ZMAT4: variants seen among roughly 807,000 people sequenced by gnomAD.
ZMAT4 encodes the protein zinc finger matrin-type protein 4.
ZMAT4 carries 17 observed loss-of-function variants against 28.7 expected under a neutral mutation model. That is an observed-to-expected ratio of 0.59 (90% CI 0.41 to 0.89). The LOEUF is 0.89. Ranked by LOEUF, ZMAT4 falls within the 40% of genes least tolerant of loss-of-function variation. The pLI, the probability that ZMAT4 is intolerant of heterozygous loss-of-function variation, is 0.00. For synonymous variants in ZMAT4, 117 were observed against 109.2 expected, an observed-to-expected ratio of 1.07 and a Z score of -0.44; for missense variants, 240 against 283.8, an observed-to-expected ratio of 0.85 and a Z score of 1.11.
At chr8:40,711,043 C>T (rs541069951) in intron 3 of ZMAT4, among the ~76,000 whole-genome samples, 1 of 152,228 alleles carries the variant, frequency 6.6e-6, no homozygotes, top group African/African-American at 2.4e-5. Flanking sequence ...TTTGGCCTCC[C>T]AAAGTACTGG....
intron 3 of ZMAT4, among the ~76,000 whole-genome samples, chr8:40,701,947 G>A (rs1443429931): frequency 1.3e-5 from 2 of 152,186 alleles, no homozygotes. Context: ...ATGCAACAGT[G>A]TTGAGAGATG....
At chr8:40,781,741 A>G (rs1260040098) in intron 2 of ZMAT4, among the ~76,000 whole-genome samples, 11 of 132,034 alleles carry the variant, frequency 8.3e-5, no homozygotes, top group South Asian at 5.6e-4. Context: ...CAGCCTGGGC[A>G]ACAGAGCGAG....
intron 5 of ZMAT4, among the ~76,000 whole-genome samples, chr8:40,607,689 GT>G (rs1805645976): frequency 6.6e-6 from 1 of 152,098 alleles, no homozygotes; most frequent in South Asian, 2.1e-4. Context: ...AGTTCAAGGG[GT>G]GCTATTCAGA....
At chr8:40,680,003 A>G (rs943713093) in intron 4 of ZMAT4, among the ~76,000 whole-genome samples, 3 of 152,202 alleles carry the variant, frequency 2.0e-5, no homozygotes, top group African/African-American at 7.2e-5. Flanking sequence ...GTGCCAGTCA[A>G]TATAAATATA....
intron 3 of ZMAT4, among the ~76,000 whole-genome samples, chr8:40,721,889 T>A (rs1038961651): frequency 6.6e-6 from 1 of 152,140 alleles, no homozygotes; most frequent in African/African-American, 2.4e-5. Flanking sequence ...AACTATCTGA[T>A]CTTTGACAAA....
At chr8:40,620,989 C>A (rs1032975384) in intron 5 of ZMAT4, among the ~76,000 whole-genome samples, 2 of 152,176 alleles carry the variant, frequency 1.3e-5, no homozygotes, top group African/African-American at 4.8e-5. Context: ...TATTTATATT[C>A]TAATATTAGC....
intron 5 of ZMAT4, among the ~76,000 whole-genome samples, chr8:40,657,663 G>A (rs1395194836): frequency 6.6e-6 from 1 of 152,090 alleles, no homozygotes; most frequent in Non-Finnish European, 1.5e-5. Context: ...TTGTCAATAT[G>A]TTCTTAGAAA....
At chr8:40,754,285 G>T (rs985037935) in intron 3 of ZMAT4, among the ~76,000 whole-genome samples, 9 of 152,168 alleles carry the variant, frequency 5.9e-5, no homozygotes, top group Non-Finnish European at 1.3e-4. Flanking sequence ...GGGCTACCAG[G>T]CTTTCCAATG....
intron 1 of ZMAT4, among the ~76,000 whole-genome samples, chr8:40,843,135 CT>C (rs1563521304): frequency 1.3e-5 from 2 of 152,362 alleles, no homozygotes; most frequent in East Asian, 3.9e-4. Flanking sequence ...ATGCAAGCCC[CT>C]GACAGAGAGG....
intron 2 of ZMAT4, among the ~76,000 whole-genome samples, chr8:40,787,530 C>T (rs752497643): frequency 1.2e-4 from 19 of 152,178 alleles, no homozygotes; most frequent in Non-Finnish European, 1.3e-4. Context: ...AATTTTTGTC[C>T]TTATTAAGTT....
intron 3 of ZMAT4, among the ~76,000 whole-genome samples, chr8:40,759,153 G>A (rs1002377779): frequency 2.6e-5 from 4 of 151,768 alleles, no homozygotes; most frequent in African/African-American, 4.8e-5. Flanking sequence ...ATGGAGGTGC[G>A]GGCCTGTAAT....
At chr8:40,550,958 A>G (rs917582325) in intron 6 of ZMAT4, among the ~76,000 whole-genome samples, 3 of 152,220 alleles carry the variant, frequency 2.0e-5, no homozygotes, top group Admixed American at 2.0e-4. Context: ...GACTTTAACT[A>G]TATAACAGAA....
chr8:40,648,925 C>T (rs13259139), intron 5 of ZMAT4, among the ~76,000 whole-genome samples: 18,608 of 142,228 alleles, frequency 0.13, 1,373 homozygotes, highest in Middle Eastern at 0.17. Context: ...CTGAAGGAAG[C>T]GCTAAATATG....
At chr8:40,804,230 G>C (rs1350087527) in intron 2 of ZMAT4, among the ~76,000 whole-genome samples, 1 of 152,114 alleles carries the variant, frequency 6.6e-6, no homozygotes, top group East Asian at 1.9e-4. Flanking sequence ...GTAAACTATG[G>C]ACTCTGAGTG....
chr8:40,857,377 AC>A (rs1397681131), intron 1 of ZMAT4, among the ~76,000 whole-genome samples: 27 of 152,028 alleles, frequency 1.8e-4, no homozygotes, highest in African/African-American at 5.1e-4. Context: ...AAAAAAAAAA[AC>A]AAAAACAAAC....
At chr8:40,733,776 A>G (rs1287510659) in intron 3 of ZMAT4, among the ~76,000 whole-genome samples, 1 of 152,148 alleles carries the variant, frequency 6.6e-6, no homozygotes, top group Admixed American at 6.5e-5. Flanking sequence ...AGGAATGAAG[A>G]GTTTTCTATT....
At chr8:40,824,580 C>T (rs1815954882) in intron 2 of ZMAT4, among the ~76,000 whole-genome samples, 1 of 144,928 alleles carries the variant, frequency 6.9e-6, no homozygotes, top group African/African-American at 2.6e-5. Flanking sequence ...AGCACTCCAG[C>T]CTGGATGACT....
chr8:40,798,127 G>A (rs914665771), intron 2 of ZMAT4, among the ~76,000 whole-genome samples: 6 of 152,254 alleles, frequency 3.9e-5, no homozygotes, highest in African/African-American at 7.2e-5. Flanking sequence ...CAGGCTAAGC[G>A]GTCAGGCTCC....
chr8:40,678,855 C>T (rs183947608), intron 4 of ZMAT4, among the ~76,000 whole-genome samples: 1 of 152,298 alleles, frequency 6.6e-6, no homozygotes, highest in East Asian at 1.9e-4. Context: ...ATAGTCTTTA[C>T]ATTTGGTATA....
Sources: allele counts gnomAD v4.1 joint callset (sites outside exome capture counted in the v4.1 genomes callset), GRCh38; gene constraint gnomAD v4.1.1; transcripts MANE v1.5; gene names NCBI Gene and HGNC (gene_info 2026-07-23, HGNC 2026-07-21).